Variants in ARHGEF37 observed in about 807,000 individuals in gnomAD.
ARHGEF37 encodes the protein Rho guanine nucleotide exchange factor 37.
ARHGEF37 carries 55 observed loss-of-function variants against 71.1 expected under a neutral mutation model. The observed-to-expected ratio is 0.77, with a 90% CI of 0.62 to 0.97. The LOEUF is 0.97. Among genes scored for constraint, ARHGEF37 ranks in the 50% least tolerant of loss-of-function variants. The pLI is 0.00. For synonymous variants in ARHGEF37, 327 were observed against 350.6 expected, an observed-to-expected ratio of 0.93 and a Z score of 0.75; for missense variants, 765 against 836.8, an observed-to-expected ratio of 0.91 and a Z score of 1.06.
chr5:149,565,829 A>ATTTTTTTTTTTTTTTTTTTTTTTT (rs201683478), intron 1 of ARHGEF37, among the ~76,000 whole-genome samples: 2 of 84,574 alleles, frequency 2.4e-5, no homozygotes, highest in South Asian at 5.8e-4. Context: ...AGAAACTCTA[A>ATTTTTTTTTTTTTTTTTTTTTTTT]TTTTTTTTTT....
intron 1 of ARHGEF37, among the ~76,000 whole-genome samples, chr5:149,555,130 C>CA (rs914879036): frequency 0.026 from 1,459 of 55,574 alleles, 13 homozygotes; most frequent in Non-Finnish European, 0.038. Context: ...GACTCTGTCT[C>CA]AAAAAAAAAA....
At chr5:149,583,170 G>T (rs190188257) in intron 1 of ARHGEF37, among the ~76,000 whole-genome samples, 2 of 152,114 alleles carry the variant, frequency 1.3e-5, no homozygotes, top group Non-Finnish European at 2.9e-5. Context: ...ACGAAGTCTC[G>T]CTGTCTCCCA....
Position 149,597,849 on chromosome 5 carries a change from C to G in ARHGEF37, c.80C>G (p.Ser27Trp), listed in dbSNP as rs748814270. 4.3e-6 allele frequency: 7 copies of G among 1,609,990 alleles called. No individual in the cohort carries two copies. Among genetic ancestry groups the G allele is most frequent in the African/African-American group, 2.7e-5 (2 of 74,692 alleles). The change falls in exon 2 of 13, where the codon TCG becomes TGG. Residue 27 changes from serine (S) to tryptophan (W), a missense_variant. Physicochemically the swap from Ser to Trp is radical, Grantham distance 177. Transcript: ENST00000333677. ...GAAGGTAGGGCCTCTGAGGACAGATCGCTGCTTCATCAGAGGCTGGCTGTC... is the reference window on the plus strand; with the variant it reads ...GAAGGTAGGGCCTCTGAGGACAGATGGCTGCTTCATCAGAGGCTGGCTGTC... Reference protein sequence around the residue: ...DREGRASEDRSLLHQRLAVRE... With the variant: ...DREGRASEDRWLLHQRLAVRE...
rs368410689 is a variant in ARHGEF37 at position 149,627,239 on chromosome 5, G to T, written c.1628G>T (p.Gly543Val). 6.2e-7 allele frequency: 1 copy of T among 1,613,794 alleles called. No homozygotes were observed. Among genetic ancestry groups the T allele is most frequent in the African/African-American group, 1.3e-5 (1 of 74,938 alleles). ...VAILQNKDTK[G>V]NSGRWLVDTG... ...ATCCTTCAAAACAAGGACACCAAAG[G>T]CAACAGCGGCCGCTGGCTGGTGGAC... The change falls in exon 11 of 13, where the codon GGC becomes GTC. Residue 543 changes from glycine to valine, a missense_variant. Physicochemically the swap from Gly to Val is moderately radical, Grantham distance 109. Coordinates refer to ENST00000333677, the MANE Select transcript of ARHGEF37 (RefSeq NM_001001669.3).
intron 10 of ARHGEF37, among the ~76,000 whole-genome samples, chr5:149,624,862 G>A (rs1752637494): frequency 1.3e-5 from 2 of 150,744 alleles, no homozygotes; most frequent in Non-Finnish European, 2.9e-5. Flanking sequence ...TCAGCTGCAT[G>A]ATGGTTTACA....
chr5:149,552,154 G>A (rs1222189061), intron 1 of ARHGEF37: 2 of 133,972 alleles, frequency 1.5e-5, no homozygotes, highest in Non-Finnish European at 3.1e-5. Context: ...ATTAAGGATA[G>A]ATGGAATCAA....
intron 1 of ARHGEF37, among the ~76,000 whole-genome samples, chr5:149,570,506 G>T (rs901928386): frequency 1.3e-5 from 2 of 150,962 alleles, no homozygotes; most frequent in Admixed American, 1.3e-4. Flanking sequence ...AACCCAGGAG[G>T]CGGAGGTTGC....
chr5:149,596,386 C>A (rs1033630993), intron 1 of ARHGEF37, among the ~76,000 whole-genome samples: 1 of 152,180 alleles, frequency 6.6e-6, no homozygotes, highest in Non-Finnish European at 1.5e-5. Context: ...CTCACTGCAA[C>A]CTCCACCTCC....
intron 6 of ARHGEF37, 40 bp downstream of exon 6, chr5:149,618,346 C>G: frequency 6.2e-7 from 1 of 1,613,056 alleles, no homozygotes; most frequent in Non-Finnish European, 8.5e-7. Context: ...ATCCAGCCAC[C>G]CCCAAGGCCA....
chr5:149,630,715 C>G (rs886620221), intron 12 of ARHGEF37, among the ~76,000 whole-genome samples: 1 of 152,292 alleles, frequency 6.6e-6, no homozygotes, highest in East Asian at 1.9e-4. Flanking sequence ...GGGGTGGTGT[C>G]TCAGGGACTC....
rs765203708 is a variant in ARHGEF37 at position 149,627,207 on chromosome 5, C to T, written c.1596C>T (p.Ile532=). 1.9e-5 allele frequency: 30 copies of T among 1,613,960 alleles called. No homozygotes were observed. The highest frequency in any genetic ancestry group is 1.3e-4 in the Admixed American group (8 of 60,008). The change falls in exon 11 of 13, where the codon ATC becomes ATT. Residue 532 remains isoleucine (I), a synonymous_variant. Coordinates refer to ENST00000333677, the MANE Select transcript of ARHGEF37 (RefSeq NM_001001669.3). ...ACCTGACTCTGCCTCGGGGCCAAAT[C>T]GTGGCCATCCTTCAAAACAAGGACA... ...TLDLTLPRGQ[I]VAILQNKDTK...
At chr5:149,558,330 A>G (rs969404638) in intron 1 of ARHGEF37, among the ~76,000 whole-genome samples, 2 of 152,066 alleles carry the variant, frequency 1.3e-5, no homozygotes, top group South Asian at 4.1e-4. Context: ...ACATGGTGAA[A>G]TCCTGTCTCT....
At chr5:149,567,526 CCTT>C (rs1489477701) in intron 1 of ARHGEF37, among the ~76,000 whole-genome samples, 29 of 152,100 alleles carry the variant, frequency 1.9e-4, no homozygotes, top group African/African-American at 5.3e-4. Context: ...ATATACCACT[CCTT>C]CTATATTTAT....
chr5:149,626,146 G>A (rs1167221268), intron 10 of ARHGEF37, among the ~76,000 whole-genome samples: 2 of 151,686 alleles, frequency 1.3e-5, no homozygotes, highest in African/African-American at 4.8e-5. Flanking sequence ...CAAGGATGTG[G>A]CAGAGTCTGT....
At chr5:149,564,606 C>T (rs1489145560) in intron 1 of ARHGEF37, among the ~76,000 whole-genome samples, 1 of 152,136 alleles carries the variant, frequency 6.6e-6, no homozygotes, top group Admixed American at 6.5e-5. Context: ...AGGTGGATCA[C>T]CTGAGGCCAG....
Position 149,609,693 on chromosome 5 carries a change from G to T in ARHGEF37, c.456G>T (p.Val152=). 6.2e-7 allele frequency: 1 copy of T among 1,612,304 alleles called. No homozygotes were observed. The highest frequency in any genetic ancestry group is 8.5e-7 in the Non-Finnish European group (1 of 1,180,024). ...ACATCCAGGGCATCGTTGAGGCGGTGGTGTGAGTAGAACGGCCAGTGAGCA... is the reference window on the plus strand; with the variant it reads ...ACATCCAGGGCATCGTTGAGGCGGTTGTGTGAGTAGAACGGCCAGTGAGCA... The part of the protein sequence containing the change: ...QRHIQGIVEA[V]VPQAGSSGLS... The change falls in exon 4 of 13, where the codon GTG becomes GTT. Residue 152 remains valine (V), a splice_region_variant and synonymous_variant. Coordinates refer to ENST00000333677, the MANE Select transcript of ARHGEF37 (RefSeq NM_001001669.3).
At chr5:149,596,369 A>G (rs1458811637) in intron 1 of ARHGEF37, among the ~76,000 whole-genome samples, 1 of 152,154 alleles carries the variant, frequency 6.6e-6, no homozygotes, top group Non-Finnish European at 1.5e-5. Flanking sequence ...CAGTGGCACA[A>G]TCTCGGCTCA....
chr5:149,596,495 C>T (rs1266798604), intron 1 of ARHGEF37, among the ~76,000 whole-genome samples: 5 of 151,964 alleles, frequency 3.3e-5, no homozygotes, highest in Non-Finnish European at 5.9e-5. Flanking sequence ...AGTAGAAATG[C>T]GGTTTTACCA....
intron 12 of ARHGEF37, among the ~76,000 whole-genome samples, chr5:149,630,968 C>T (rs1048468089): frequency 3.3e-5 from 5 of 152,226 alleles, no homozygotes; most frequent in African/African-American, 1.2e-4. Context: ...AAACCCTACA[C>T]ATGTATTCCT....
Sources: gnomAD v4.1 joint callset for allele counts (sites outside exome capture counted in the v4.1 genomes callset) on GRCh38, gnomAD v4.1.1 for gene constraint, MANE v1.5 for transcripts, NCBI Gene and HGNC (gene_info 2026-07-23, HGNC 2026-07-21) for gene names.